Variants in SNX9 observed in about 807,000 individuals in gnomAD.
SNX9 encodes sorting nexin-9.
Under a neutral mutation model 89.4 loss-of-function variants are expected in SNX9, and 44 were observed. That is an observed-to-expected ratio of 0.49 (90% confidence interval 0.39 to 0.63). SNX9 has a LOEUF of 0.63. Ranked by LOEUF, SNX9 falls within the 30% of genes least tolerant of loss-of-function variation. The pLI is 0.00. For synonymous variants in SNX9, 236 were observed against 247.8 expected (o/e 0.95, Z 0.45); for missense variants, 578 against 736.1 (o/e 0.79, Z 2.49).
At chr6:157,937,381 C>T in intron 14 of SNX9, 53 bp from the exon 15 acceptor site, 1 of 1,309,228 alleles carries the variant, frequency 7.6e-7, no homozygotes, top group South Asian at 1.2e-5. Context: ...TTCTCTTTTC[C>T]TTGATTTTCT....
intron 4 of SNX9, among the ~76,000 whole-genome samples, chr6:157,890,166 G>C (rs1231316354): frequency 6.6e-6 from 1 of 152,108 alleles, no homozygotes; most frequent in Non-Finnish European, 1.5e-5. Context: ...ACCAGGATTC[G>C]TCTTGCCCCT....
chr6:157,884,372 T>C (rs1782689158), intron 4 of SNX9, among the ~76,000 whole-genome samples: 1 of 152,232 alleles, frequency 6.6e-6, no homozygotes, highest in African/African-American at 2.4e-5. Context: ...CTTTCTTAGT[T>C]CTCAAAAGTC....
chr6:157,867,652 C>T lies in SNX9; in HGVS notation c.99+19C>T, dbSNP rs1037981435. 3.8e-6 allele frequency: 6 copies of T among 1,580,926 alleles called. No homozygotes were observed. Among genetic ancestry groups the T allele is most frequent in the South Asian group, 2.3e-5 (2 of 88,144 alleles). ...AAATCCGGTAAGAGAACTGTACATTCGAGTCTGATTGTCCCATGTGGACTT... is the reference window on the plus strand; with the variant it reads ...AAATCCGGTAAGAGAACTGTACATTTGAGTCTGATTGTCCCATGTGGACTT... On this transcript the variant is annotated intron_variant, in intron 2 of 17. Transcript: ENST00000392185.
At chr6:157,909,812 AG>A in intron 8 of SNX9, 22 bp downstream of exon 8, 1 of 1,613,402 alleles carries the variant, frequency 6.2e-7, no homozygotes, top group Non-Finnish European at 8.5e-7. Context: ...CGTTATCAAA[AG>A]CAGAATCATG....
chr6:157,839,371 T>C (rs1277781422), intron 1 of SNX9, among the ~76,000 whole-genome samples: 1 of 152,206 alleles, frequency 6.6e-6, no homozygotes, highest in Non-Finnish European at 1.5e-5. Context: ...ATGCAATGAA[T>C]GAATAAAATT....
At chr6:157,888,527 C>G (rs1189133146) in intron 4 of SNX9, among the ~76,000 whole-genome samples, 1 of 152,096 alleles carries the variant, frequency 6.6e-6, no homozygotes, top group Non-Finnish European at 1.5e-5. Context: ...AAACTTTGAC[C>G]TGCTTTTTCA....
At chr6:157,918,131 G>A (rs765819442) in intron 9 of SNX9, among the ~76,000 whole-genome samples, 2 of 152,108 alleles carry the variant, frequency 1.3e-5, no homozygotes, top group South Asian at 4.1e-4. Flanking sequence ...GTTAGGCTGG[G>A]TTGATAGTGT....
chr6:157,906,927 T>C (rs1783228436), intron 7 of SNX9, among the ~76,000 whole-genome samples: 1 of 152,198 alleles, frequency 6.6e-6, no homozygotes, highest in Admixed American at 6.5e-5. Flanking sequence ...TTGAGTGTTC[T>C]CATCCTGGAC....
In SNX9 at chr6:157,909,733, G is replaced by A. The variant is rs3211067; in HGVS notation, c.774G>A (p.Arg258=). The change falls in exon 8 of 18, where the codon AGG becomes AGA. Residue 258 remains arginine, a synonymous_variant. Transcript: ENST00000392185. Reference sequence around the variant, plus strand: ...TTGACTGTGTGGTAGCAGATCCCAGGAAAGGCTCCAAAATGTATGGTCTAA... The same window carrying A: ...TTGACTGTGTGGTAGCAGATCCCAGAAAAGGCTCCAAAATGTATGGTCTAA... The part of the protein sequence containing the change: ...STFDCVVADP[R]KGSKMYGLKS... 365,913 of 1,613,882 alleles carry A rather than the reference G, an allele frequency of 0.23. 42,318 individuals are homozygous for A. The highest frequency in any genetic ancestry group is 0.24 in the Non-Finnish European group (279,601 of 1,179,900).
intron 6 of SNX9, among the ~76,000 whole-genome samples, chr6:157,903,873 C>T (rs1783157626): frequency 6.6e-6 from 1 of 152,208 alleles, no homozygotes. Flanking sequence ...GCTGAAACCA[C>T]ATTAAAGCAG....
At chr6:157,847,975 T>G (rs1440144072) in intron 1 of SNX9, among the ~76,000 whole-genome samples, 1 of 152,100 alleles carries the variant, frequency 6.6e-6, no homozygotes, top group Non-Finnish European at 1.5e-5. Context: ...CCACCCCACA[T>G]TCTCCCTAGC....
At chr6:157,894,666 G>T (rs537335470) in intron 4 of SNX9, among the ~76,000 whole-genome samples, 38 of 152,198 alleles carry the variant, frequency 2.5e-4, no homozygotes, top group African/African-American at 8.9e-4. Context: ...TTATGGGAGA[G>T]AAATACTTTT....
chr6:157,840,423 T>TTTCTTTCCTTTCTTTCCTTTC (rs1562590893), intron 1 of SNX9, among the ~76,000 whole-genome samples: 46 of 139,846 alleles, frequency 3.3e-4, no homozygotes, highest in African/African-American at 1.2e-3. Context: ...TTCTTTCTTT[T>TTTCTTTCCTTTCTTTCCTTTC]CTTTCTTTTC....
chr6:157,851,964 C>A (rs1025137529), intron 1 of SNX9, among the ~76,000 whole-genome samples: 1 of 152,120 alleles, frequency 6.6e-6, no homozygotes. Context: ...AGCATGTATC[C>A]GAACTTCATT....
intron 1 of SNX9, among the ~76,000 whole-genome samples, 158 bp from the exon 2 acceptor site, chr6:157,867,389 A>G (rs1027712400): frequency 6.6e-6 from 1 of 152,258 alleles, no homozygotes; most frequent in African/African-American, 2.4e-5. Context: ...AGAGTAGAGC[A>G]GATGAGTCAT....
rs1352842553 is a variant in SNX9, at chr6:157,928,651, G to A, written c.1237G>A (p.Val413Met). The A allele has an allele frequency of 2.0e-5, 32 of 1,610,656 alleles. No individual in the cohort carries two copies. Among genetic ancestry groups the A allele is most frequent in the Non-Finnish European group, 2.5e-5 (30 of 1,178,566 alleles). ...GTTCACCAAGGCCATGGATGACGGCGTGAAGGAGCTGCTGACGGTGGGGCA... is the reference window on the plus strand; with the variant it reads ...GTTCACCAAGGCCATGGATGACGGCATGAAGGAGCTGCTGACGGTGGGGCA... ...GKFTKAMDDG[V>M]KELLTVGQEH... Residue 413 changes from valine (V) to methionine (M), a missense_variant, in exon 12 of 18, where the codon GTG becomes ATG. Transcript: ENST00000392185.
intron 1 of SNX9, among the ~76,000 whole-genome samples, chr6:157,837,709 C>T (rs993013642): frequency 3.3e-5 from 5 of 152,112 alleles, no homozygotes; most frequent in African/African-American, 1.2e-4. Flanking sequence ...ATTATAGGAC[C>T]CATATGCATG....
At chr6:157,877,701 G>T (rs1312548242) in intron 4 of SNX9, among the ~76,000 whole-genome samples, 1 of 152,078 alleles carries the variant, frequency 6.6e-6, no homozygotes, top group Admixed American at 6.5e-5. Flanking sequence ...TTGAGAGCGG[G>T]AACCTCAGAG....
chr6:157,864,464 A>G (rs1782211354), intron 1 of SNX9, among the ~76,000 whole-genome samples: 1 of 152,114 alleles, frequency 6.6e-6, no homozygotes, highest in Non-Finnish European at 1.5e-5. Context: ...CACTTGTTTC[A>G]CATTCTGCTT....
Sources: gnomAD v4.1 joint callset for allele counts (sites outside exome capture counted in the v4.1 genomes callset) on GRCh38, gnomAD v4.1.1 for gene constraint, MANE v1.5 for transcripts, NCBI Gene and HGNC (gene_info 2026-07-23, HGNC 2026-07-21) for gene names.